Variants in XPNPEP2 observed in about 807,000 individuals in gnomAD.
XPNPEP2 encodes X-prolyl aminopeptidase 2.
Under a neutral mutation model 59.8 loss-of-function variants are expected in XPNPEP2, and 64 were observed. The observed-to-expected ratio is 1.07, with a 90% CI of 0.87 to 1.32. The LOEUF is 1.32. Ranked by LOEUF, XPNPEP2 falls within the 40% of genes most tolerant of loss-of-function variation. XPNPEP2 has a pLI of 0.00. For missense variants in XPNPEP2, 575 were observed against 546.8 expected, an observed-to-expected ratio of 1.05 and a Z score of -0.51; for synonymous variants, 235 against 210.0, an observed-to-expected ratio of 1.12 and a Z score of -1.03.
intron 15 of XPNPEP2, among the ~76,000 whole-genome samples, chrX:129,759,678 G>A (rs898293320): frequency 2.7e-4 from 31 of 113,019 alleles, no homozygotes; most frequent in African/African-American, 8.7e-4. Flanking sequence ...AGGGCCCTGG[G>A]GGTGGAGCAG....
rs1334517729 is a variant in XPNPEP2 at position 129,768,831 on chromosome X, G to A, written c.*346G>A. The A allele has an allele frequency of 3.5e-5, 5 of 143,345 alleles. No individual in the cohort carries two copies. The highest frequency in any genetic ancestry group is 1.6e-4 in the East Asian group (1 of 6,283). 11.8% of individuals were successfully genotyped at this position (143,345 alleles called of 1,213,427 possible). A position where few individuals can be genotyped will look rare whatever the true frequency, so the allele number is the denominator to read the frequency against. ...AGACTGCTACAGCTGCTCCCCTCCCGCCAAACAAAACCCCAAGAGAGCAAT... is the reference window on the plus strand; with the variant it reads ...AGACTGCTACAGCTGCTCCCCTCCCACCAAACAAAACCCCAAGAGAGCAAT... On this transcript the variant is annotated 3_prime_UTR_variant, in exon 21 of 21. Transcript: ENST00000371106.
At chrX:129,757,893 GAGAAAGAA>G (rs558575574) in intron 14 of XPNPEP2, among the ~76,000 whole-genome samples, 5,591 of 51,503 alleles carry the variant, frequency 0.11, 376 homozygotes, top group East Asian at 0.14. Flanking sequence ...GAGAGAGAGA[GAGAAAGAA>G]AGAAAGAAAG....
intron 7 of XPNPEP2, 65 bp downstream of exon 7, chrX:129,747,818 A>T: frequency 8.3e-7 from 1 of 1,201,548 alleles, no homozygotes. Flanking sequence ...GCTATTCCGT[A>T]GGTGGCAAAC....
intron 5 of XPNPEP2, 86 bp from the exon 6 acceptor site, chrX:129,746,509 T>C: frequency 9.9e-7 from 1 of 1,006,308 alleles, no homozygotes; most frequent in Non-Finnish European, 1.4e-6. Flanking sequence ...ACACACATGG[T>C]AGGACCATCA....
intron 8 of XPNPEP2, among the ~76,000 whole-genome samples, chrX:129,751,535 GAAGAAAGA>G (rs1178245774): frequency 0.05 from 2,547 of 50,769 alleles, 111 homozygotes; most frequent in Non-Finnish European, 0.065. Flanking sequence ...AGAAAGAAAG[GAAGAAAGA>G]AAGAAAGAAA....
intron 4 of XPNPEP2, among the ~76,000 whole-genome samples, chrX:129,745,510 C>G (rs1926276910): frequency 1.8e-5 from 2 of 111,730 alleles, no homozygotes; most frequent in Admixed American, 1.9e-4. Context: ...GTGCTCATTA[C>G]CTCTGCTGCA....
At chrX:129,741,286 A>G (rs746721292) in intron 1 of XPNPEP2, among the ~76,000 whole-genome samples, 5 of 111,527 alleles carry the variant, frequency 4.5e-5, no homozygotes, top group South Asian at 7.5e-4. Context: ...CCCACCTCTC[A>G]TACTTGGCAG....
chrX:129,744,131 C>T, intron 3 of XPNPEP2, 60 bp downstream of exon 3: 1 of 1,028,386 alleles, frequency 9.7e-7, no homozygotes, highest in Non-Finnish European at 1.4e-6. Flanking sequence ...AGACCACAAA[C>T]AGGAGCTGTT....
chrX:129,760,634 C>T lies in XPNPEP2; in HGVS notation c.1498+53C>T, dbSNP rs1437874257. On this transcript the variant is annotated intron_variant, in intron 16 of 20. Transcript: ENST00000371106. ...AGCCTCAGGCCCTGATTTCACAGGA[C>T]TCAGACCATCACCCTGGGAGGCTGG... 3 of 1,138,391 alleles carry T rather than the reference C, an allele frequency of 2.6e-6. No individual in the cohort carries two copies. The Admixed American group carries it at 6.7e-5, about 26-fold the overall frequency. The allele number at this position is 1,138,391 out of a possible 1,213,427, so 93.8% of individuals were successfully genotyped here.
chrX:129,756,996 C>CTATATATATATATATATATATATATATA (rs61273791), intron 14 of XPNPEP2, among the ~76,000 whole-genome samples: 1 of 70,421 alleles, frequency 1.4e-5, no homozygotes, highest in African/African-American at 5.3e-5. Flanking sequence ...CCATGCCCAG[C>CTATATATATATATATATATATATATATA]TATATATATA....
At chrX:129,751,422 T>A (rs756470803) in intron 8 of XPNPEP2, among the ~76,000 whole-genome samples, 36 of 108,778 alleles carry the variant, frequency 3.3e-4, no homozygotes, top group Non-Finnish European at 6.7e-4. Context: ...GCAGGAGACT[T>A]GCTTGAACCT....
chrX:129,767,596 C>T lies in XPNPEP2; in HGVS notation c.1741-7C>T, dbSNP rs201913178. 16 of 1,208,887 alleles carry T rather than the reference C, an allele frequency of 1.3e-5. No individual in the cohort carries two copies. The East Asian group carries it at 4.4e-4, about 34-fold the overall frequency. On this transcript the variant is annotated splice_region_variant and splice_polypyrimidine_tract_variant and intron_variant, in intron 19 of 20. Coordinates refer to ENST00000371106, the MANE Select transcript of XPNPEP2 (RefSeq NM_003399.6). The stretch of plus-strand genomic sequence containing the variant: ...CTGCTTACCCGGCTTCTATTCTGGG[C>T]TCCCAGTACCCAGGGAGCTACCTGA...
intron 7 of XPNPEP2, among the ~76,000 whole-genome samples, chrX:129,749,761 T>C (rs956940397): frequency 8.9e-6 from 1 of 112,987 alleles, no homozygotes; most frequent in African/African-American, 3.2e-5. Flanking sequence ...GAGAATGTTA[T>C]CAAGACAGTA....
At position 129,768,602 on chromosome X, in the gene XPNPEP2, T is replaced by A; in HGVS notation, c.*117T>A. 1.6e-6 allele frequency: 1 copy of A among 634,950 alleles called. No individual in the cohort carries two copies. Among genetic ancestry groups the A allele is most frequent in the Non-Finnish European group, 2.2e-6 (1 of 460,663 alleles). The allele number at this position is 634,950 out of a possible 1,213,427, so 52.3% of individuals were successfully genotyped here. Reference sequence around the variant, plus strand: ...CCTGCTGGCCCATTGCCTAGAAACCTTTGCATTCATCCTCCTTCTCCAAGA... The same window carrying A: ...CCTGCTGGCCCATTGCCTAGAAACCATTGCATTCATCCTCCTTCTCCAAGA... On this transcript the variant is annotated 3_prime_UTR_variant, in exon 21 of 21. Coordinates refer to ENST00000371106, the MANE Select transcript of XPNPEP2 (RefSeq NM_003399.6).
rs199606689 is a variant in XPNPEP2 at position 129,767,565 on chromosome X, A to G, written c.1741-38A>G. The G allele has an allele frequency of 6.8e-6, 8 of 1,179,276 alleles. No individual in the cohort carries two copies. The East Asian group carries it at 2.4e-4, about 35-fold the overall frequency. On this transcript the variant is annotated intron_variant, in intron 19 of 20. Transcript: ENST00000371106. ...TCAGCCCAGTTCCTCCTCCTCCCTC[A>G]CTGTCCTGCTTACCCGGCTTCTATT...
intron 1 of XPNPEP2, 87 bp from the exon 2 acceptor site, chrX:129,742,021 C>A (rs1222146775): frequency 2.2e-6 from 2 of 897,489 alleles, no homozygotes; most frequent in Non-Finnish European, 3.2e-6. Flanking sequence ...GATGGAGGCC[C>A]CGTGGGGCGG....
intron 14 of XPNPEP2, among the ~76,000 whole-genome samples, chrX:129,758,358 C>A (rs932596376): frequency 6.3e-5 from 7 of 111,002 alleles, no homozygotes; most frequent in Non-Finnish European, 1.1e-4. Context: ...GAAATAGTCA[C>A]CTCACTTCCT....
Position 129,768,470 on chromosome X carries a change from TGGC to T in XPNPEP2, c.2011_2013del (p.Gly671del). 8.5e-7 allele frequency: 1 copy of T among 1,179,515 alleles called. No homozygotes were observed. The highest frequency in any genetic ancestry group is 2.4e-4 in the Middle Eastern group (1 of 4,205). ...TAGTGGTCTCCACCCTTGCCATCCT[TGGC>T]TGGAGTGTCTAGAGGCTCCAGACTC... On this transcript the variant is annotated inframe_deletion, in exon 21 of 21. Coordinates refer to ENST00000371106, the MANE Select transcript of XPNPEP2 (RefSeq NM_003399.6).
Position 129,757,887 on chromosome X carries a change from GAGAGAGAGAAAGAAAGAAAGAA to G in XPNPEP2, c.1368-1289_1368-1268del, listed in dbSNP as rs1329569026. Among the ~76,000 whole-genome samples the G allele has an allele frequency of 6.5e-3, 536 of 82,651 alleles. 15 individuals carry two copies. Among genetic ancestry groups the G allele is most frequent in the African/African-American group, 0.027 (487 of 18,075 alleles). 71.8% of individuals were successfully genotyped at this position (82,651 alleles called of 115,157 possible). ...GGAGAGAGAGAAAGAGAGAGAGAGA[GAGAGAGAGAAAGAAAGAAAGAA>G]AGAAAGAAAGAAAGAAAGAAAGAAA... is the stretch of plus-strand genomic sequence containing the variant. On this transcript the variant is annotated intron_variant, in intron 14 of 20. Transcript: ENST00000371106.
Sources: gnomAD v4.1 joint callset for allele counts (sites outside exome capture counted in the v4.1 genomes callset) on GRCh38, gnomAD v4.1.1 for gene constraint, MANE v1.5 for transcripts, NCBI Gene and HGNC (gene_info 2026-07-23, HGNC 2026-07-21) for gene names.